Variants in N4BP2 observed in about 807,000 individuals in gnomAD.
N4BP2 encodes the protein NEDD4 binding protein 2, also known as NEDD4-binding protein 2.
In N4BP2, 91 loss-of-function variants were observed where a neutral mutation model predicts 152.8. The ratio of observed to expected loss-of-function variants is 0.60; its 90% CI spans 0.50 to 0.71. The LOEUF (loss-of-function observed/expected upper bound fraction) is 0.71, where lower values mean the gene tolerates loss of function less well. Ranked by LOEUF, N4BP2 falls within the 30% of genes least tolerant of loss-of-function variation. The pLI, the probability that N4BP2 is intolerant of heterozygous loss-of-function variation, is 0.00. For synonymous variants in N4BP2, 646 were observed against 705.3 expected, an observed-to-expected ratio of 0.92 and a Z score of 1.33; for missense variants, 1,923 against 2,059.1, an observed-to-expected ratio of 0.93 and a Z score of 1.28.
At chr4:40,068,962 A>C (rs1711849940) in intron 1 of N4BP2, among the ~76,000 whole-genome samples, 1 of 151,750 alleles carries the variant, frequency 6.6e-6, no homozygotes, top group African/African-American at 2.4e-5. Flanking sequence ...TCTACTAAAA[A>C]TACAAAAATT....
In N4BP2 at chr4:40,157,670, T is replaced by C. The variant is rs1484175971; in HGVS notation, c.*3433T>C. ...TTCCATTGTGCAATGAGGTGAAGTT[T>C]GGTAATTTTTCGGTGTAGTAGTTAA... is the stretch of plus-strand genomic sequence containing the variant. On this transcript the variant is annotated 3_prime_UTR_variant, in exon 18 of 18. Coordinates refer to ENST00000261435, the MANE Select transcript of N4BP2 (RefSeq NM_018177.6). 2 of 152,198 alleles carry C rather than the reference T, an allele frequency of 1.3e-5. No homozygotes were observed. Among genetic ancestry groups the C allele is most frequent in the Non-Finnish European group, 2.9e-5 (2 of 68,018 alleles). 9.4% of individuals were successfully genotyped at this position (152,198 alleles called of 1,614,324 possible).
At chr4:40,096,441 G>A (rs947089760) in intron 2 of N4BP2, among the ~76,000 whole-genome samples, 2 of 152,166 alleles carry the variant, frequency 1.3e-5, no homozygotes, top group Non-Finnish European at 1.5e-5. Context: ...GGAGACTTAA[G>A]TGTGGCTAAG....
chr4:40,064,276 T>G (rs895837941), intron 1 of N4BP2, among the ~76,000 whole-genome samples: 1 of 152,142 alleles, frequency 6.6e-6, no homozygotes, highest in African/African-American at 2.4e-5. Context: ...AGTACTTATT[T>G]ATTGATTGAT....
intron 4 of N4BP2, among the ~76,000 whole-genome samples, chr4:40,103,478 TGTA>T (rs769649608): frequency 1.3e-4 from 20 of 152,222 alleles, no homozygotes; most frequent in Non-Finnish European, 2.5e-4. Flanking sequence ...GAGCTATTGA[TGTA>T]GTAGTAGAAG....
At chr4:40,089,258 G>A (rs190882984) in intron 2 of N4BP2, among the ~76,000 whole-genome samples, 1 of 151,986 alleles carries the variant, frequency 6.6e-6, no homozygotes, top group African/African-American at 2.4e-5. Context: ...GAGCCACCAT[G>A]CCTGGCATAC....
downstream of N4BP2, among the ~76,000 whole-genome samples, chr4:40,159,200 A>G (rs1258164594): frequency 6.6e-6 from 1 of 152,206 alleles, no homozygotes. Flanking sequence ...CTAAGAGAGA[A>G]TAGTTACTTA....
chr4:40,108,187 G>A (rs1336146079), intron 5 of N4BP2, among the ~76,000 whole-genome samples: 1 of 152,054 alleles, frequency 6.6e-6, no homozygotes. Flanking sequence ...GCCTAACTCG[G>A]CCTCTGAAAG....
chr4:40,083,054 C>T, intron 2 of N4BP2: 2 of 261,716 alleles, frequency 7.6e-6, no homozygotes, highest in South Asian at 8.7e-5. Flanking sequence ...AAACCTACCC[C>T]GTATACTTCA....
chr4:40,135,010 C>T (rs1015314523), intron 13 of N4BP2, among the ~76,000 whole-genome samples: 2 of 147,314 alleles, frequency 1.4e-5, no homozygotes, highest in African/African-American at 5.0e-5. Context: ...AGGTTAGTTA[C>T]ATATGTATAC....
chr4:40,064,306 G>A (rs1000810485), intron 1 of N4BP2, among the ~76,000 whole-genome samples: 2 of 151,936 alleles, frequency 1.3e-5, no homozygotes, highest in African/African-American at 4.8e-5. Flanking sequence ...ACAGAGTCTC[G>A]CTCTGTTGTC....
intron 2 of N4BP2, among the ~76,000 whole-genome samples, chr4:40,086,623 C>T (rs1311007930): frequency 1.3e-5 from 2 of 151,762 alleles, no homozygotes; most frequent in African/African-American, 2.4e-5. Flanking sequence ...GCATAAGCCA[C>T]CGGGCCCGAC....
the N4BP2 span, among the ~76,000 whole-genome samples, chr4:40,169,642 A>G: frequency 6.6e-6 from 1 of 151,492 alleles, no homozygotes; most frequent in African/African-American, 2.4e-5. Context: ...AAAGATTGGA[A>G]ATTCAGTGCT....
chr4:40,137,004 A>C lies in N4BP2; in HGVS notation c.4707A>C (p.Lys1569Asn). Residue 1569 changes from lysine to asparagine, a missense_variant, in exon 14 of 18, where the codon AAA (lysine) becomes AAC (asparagine). Coordinates refer to ENST00000261435, the MANE Select transcript of N4BP2 (RefSeq NM_018177.6). ...LNCVLEGDPVKTVVAQEFVHQ... is the reference protein window; with the variant it reads ...LNCVLEGDPVNTVVAQEFVHQ... ...GTGTTCTTGAAGGGGACCCTGTAAA[A>C]ACAGTTGTAGCCCAAGAGTTTGTTC... 1 of 1,613,850 alleles carries C rather than the reference A, an allele frequency of 6.2e-7. No individual in the cohort carries two copies. The highest frequency in any genetic ancestry group is 8.5e-7 in the Non-Finnish European group (1 of 1,179,822).
At position 40,142,735 on chromosome 4, in the gene N4BP2, C is replaced by T; in HGVS notation, c.4848C>T (p.Tyr1616=). Residue 1616 remains tyrosine, a synonymous_variant, in exon 15 of 18, where the codon TAC becomes TAT. Transcript: ENST00000261435. ...PSELSFQDFE[Y]PDYDDYRAEA... is the part of the protein sequence containing the mutation. ...AACTGTCTTTCCAGGACTTTGAGTA[C>T]CCAGACTATGATGACTACAGAGCAG... 6.2e-7 allele frequency: 1 copy of T among 1,613,746 alleles called. No individual in the cohort carries two copies. Among genetic ancestry groups the T allele is most frequent in the Non-Finnish European group, 8.5e-7 (1 of 1,179,824 alleles).
intron 16 of N4BP2, among the ~76,000 whole-genome samples, chr4:40,150,929 A>G (rs533462980): frequency 7.9e-5 from 12 of 152,310 alleles, no homozygotes; most frequent in Non-Finnish European, 1.2e-4. Context: ...GTGCCATTGT[A>G]GTTATGCTTT....
the N4BP2 span, among the ~76,000 whole-genome samples, chr4:40,163,598 T>G: frequency 6.6e-6 from 1 of 152,126 alleles, no homozygotes; most frequent in African/African-American, 2.4e-5. Context: ...ACTTTGTGTC[T>G]GTATGTGATG....
chr4:40,092,666 CAG>C (rs1714721604), intron 2 of N4BP2, among the ~76,000 whole-genome samples: 1 of 134,736 alleles, frequency 7.4e-6, no homozygotes, highest in Non-Finnish European at 1.5e-5. Flanking sequence ...TTTTTTGAGA[CAG>C]AGTCTTGCTC....
intron 14 of N4BP2, 79 bp downstream of exon 14, chr4:40,137,161 T>TCA: frequency 1.8e-6 from 2 of 1,130,352 alleles, no homozygotes; most frequent in Non-Finnish European, 2.4e-6. Flanking sequence ...AGTATAATAA[T>TCA]TTAATGATTA....
chr4:40,102,511 C>T lies in N4BP2; in HGVS notation c.666C>T (p.Asn222=), dbSNP rs576269027. 3.7e-6 allele frequency: 6 copies of T among 1,613,972 alleles called. No homozygotes were observed. Among genetic ancestry groups the T allele is most frequent in the African/African-American group, 1.3e-5 (1 of 74,898 alleles). ...CATTACCTTCACATTCAGTTTTGAA[C>T]GAGTCCAAGTGTTTTATAAAGGATA... ...LNPLPSHSVL[N]ESKCFIKDNT... Residue 222 remains asparagine, a synonymous_variant, in exon 4 of 18, where the codon AAC becomes AAT. Transcript: ENST00000261435.
Sources: gnomAD v4.1 joint callset for allele counts (sites outside exome capture counted in the v4.1 genomes callset) on GRCh38, gnomAD v4.1.1 for gene constraint, MANE v1.5 for transcripts, NCBI Gene and HGNC (gene_info 2026-07-23, HGNC 2026-07-21) for gene names.